The following TENM1 variants were observed in gnomAD, a reference collection of about 807,000 sequenced individuals.
TENM1 encodes the protein teneurin transmembrane protein 1.
TENM1 carries 35 observed loss-of-function variants against 174.8 expected under a neutral mutation model. The observed-to-expected ratio is 0.20, with a 90% confidence interval of 0.15 to 0.27. The LOEUF is 0.27. Ranked by LOEUF, TENM1 falls within the 10% of genes least tolerant of loss-of-function variation. The pLI is 1.00. For synonymous variants in TENM1, 781 were observed against 798.7 expected (o/e 0.98, Z 0.37); for missense variants, 1,633 against 2,130.1 (o/e 0.77, Z 4.59).
At chrX:125,016,036 T>C in the TENM1 span, among the ~76,000 whole-genome samples, 1 of 111,506 alleles carries the variant, frequency 9.0e-6, no homozygotes, top group East Asian at 2.8e-4. Flanking sequence ...GCATTTGAGC[T>C]TTACAAATAG....
At chrX:125,007,545 T>C in the TENM1 span, among the ~76,000 whole-genome samples, 1 of 110,761 alleles carries the variant, frequency 9.0e-6, no homozygotes, top group South Asian at 3.9e-4. Flanking sequence ...ACCACTAAGA[T>C]ACTCCAAGAG....
intron 19 of TENM1, among the ~76,000 whole-genome samples, chrX:124,502,000 A>T (rs1324233236): frequency 1.6e-5 from 1 of 63,104 alleles, no homozygotes; most frequent in Non-Finnish European, 2.9e-5. Context: ...CTTTCTCAGA[A>T]TAAATTTCTC....
chrX:124,651,513 A>C (rs1037170944), intron 8 of TENM1, among the ~76,000 whole-genome samples: 6 of 112,048 alleles, frequency 5.4e-5, no homozygotes, highest in Admixed American at 9.5e-5. Flanking sequence ...AACTGTACTG[A>C]TACTAGTTTT....
At chrX:125,061,964 T>G in the TENM1 span, among the ~76,000 whole-genome samples, 2 of 112,083 alleles carry the variant, frequency 1.8e-5, no homozygotes. Context: ...CTAACCTGTG[T>G]TCTCGAGCAA....
chrX:124,454,540 A>T (rs779341810), intron 22 of TENM1, among the ~76,000 whole-genome samples: 5 of 110,732 alleles, frequency 4.5e-5, no homozygotes, highest in Middle Eastern at 4.6e-3. Context: ...AATAGCTAGG[A>T]TTATAGGAGC....
At chrX:124,904,955 G>A (rs1197818794) in intron 1 of TENM1, among the ~76,000 whole-genome samples, 1 of 111,074 alleles carries the variant, frequency 9.0e-6, no homozygotes, top group African/African-American at 3.3e-5. Context: ...CCCTGGAGTG[G>A]GTATGTAGCT....
At chrX:124,539,314 G>T (rs947472805) in intron 15 of TENM1, among the ~76,000 whole-genome samples, 2 of 111,103 alleles carry the variant, frequency 1.8e-5, no homozygotes, top group African/African-American at 6.5e-5. Flanking sequence ...CCTCAGAGAG[G>T]TGTCCCTGGG....
At chrX:124,895,585 C>T (rs915452815) in intron 2 of TENM1, among the ~76,000 whole-genome samples, 4 of 111,740 alleles carry the variant, frequency 3.6e-5, no homozygotes, top group Non-Finnish European at 7.5e-5. Flanking sequence ...AATATGCTTG[C>T]TACACAACTG....
the TENM1 span, among the ~76,000 whole-genome samples, chrX:125,148,714 G>A: frequency 9.0e-6 from 1 of 111,339 alleles, no homozygotes; most frequent in South Asian, 3.8e-4. Flanking sequence ...GTTCCTGTTC[G>A]TAGTGGCTGG....
the TENM1 span, among the ~76,000 whole-genome samples, chrX:125,116,562 A>G: frequency 8.9e-6 from 1 of 112,484 alleles, no homozygotes. Context: ...CCCCATCAAA[A>G]AGTGGGCAAA....
intron 23 of TENM1, among the ~76,000 whole-genome samples, chrX:124,441,327 A>G (rs2060900417): frequency 8.9e-6 from 1 of 112,328 alleles, no homozygotes; most frequent in African/African-American, 3.2e-5. Flanking sequence ...AATATGAATA[A>G]TTGTTCCAGG....
chrX:124,594,520 C>T (rs1331621239), intron 11 of TENM1, among the ~76,000 whole-genome samples: 1 of 111,279 alleles, frequency 9.0e-6, no homozygotes, highest in African/African-American at 3.3e-5. Context: ...GTCCCTCTTC[C>T]AGATTGTGGA....
At chrX:124,857,134 T>C (rs762929316) in intron 3 of TENM1, among the ~76,000 whole-genome samples, 1 of 110,863 alleles carries the variant, frequency 9.0e-6, no homozygotes, top group Admixed American at 9.6e-5. Context: ...AGAGAAAAAT[T>C]TTTCTTAGGA....
rs1327741025 is a variant in TENM1 at position 124,561,652 on chromosome X, C to T, written c.2434+19G>A. 8.3e-7 allele frequency: 1 copy of T among 1,209,512 alleles called. No individual in the cohort carries two copies. The highest frequency in any genetic ancestry group is 2.2e-5 in the Admixed American group (1 of 45,891). On this transcript the variant is annotated intron_variant, in intron 14 of 31. Transcript: ENST00000422452. ...CTGGGCTATTCCTTTCTTACGTGAA[C>T]ATTTTATAAATGACTCACCTCCATC...
intron 4 of TENM1, among the ~76,000 whole-genome samples, chrX:124,710,385 C>T (rs947618591): frequency 8.9e-6 from 1 of 111,898 alleles, no homozygotes; most frequent in African/African-American, 3.2e-5. Flanking sequence ...CAATCTTTTG[C>T]ACATTTATGA....
intron 4 of TENM1, among the ~76,000 whole-genome samples, chrX:124,712,431 G>C (rs536167252): frequency 1.8e-5 from 2 of 110,578 alleles, no homozygotes; most frequent in Non-Finnish European, 3.8e-5. Context: ...GTTTTGATTT[G>C]CATGTCTCTG....
chrX:124,486,535 T>C (rs913425503), intron 21 of TENM1, among the ~76,000 whole-genome samples: 3 of 112,020 alleles, frequency 2.7e-5, no homozygotes, highest in Non-Finnish European at 3.8e-5. Context: ...TTGATGACAA[T>C]TGGCATTCGG....
intron 11 of TENM1, among the ~76,000 whole-genome samples, chrX:124,600,847 C>G (rs1488746488): frequency 9.0e-6 from 1 of 111,574 alleles, no homozygotes; most frequent in African/African-American, 3.3e-5. Flanking sequence ...AAATGTAGTG[C>G]TTTATTCTGA....
intron 14 of TENM1, among the ~76,000 whole-genome samples, chrX:124,547,960 C>G (rs1026872885): frequency 8.9e-5 from 10 of 111,807 alleles, no homozygotes; most frequent in African/African-American, 3.3e-4. Context: ...CCTCAGCCTC[C>G]CAAGTAGCTG....
Sources: gnomAD v4.1 joint callset for allele counts (sites outside exome capture counted in the v4.1 genomes callset) on GRCh38, gnomAD v4.1.1 for gene constraint, MANE v1.5 for transcripts, NCBI Gene and HGNC (gene_info 2026-07-23, HGNC 2026-07-21) for gene names.